The following CSMD3 variants were observed in gnomAD, a reference collection of about 807,000 sequenced individuals.
CSMD3 encodes CUB and sushi domain-containing protein 3.
In CSMD3, 177 loss-of-function variants were observed where a neutral mutation model predicts 435.2. The observed-to-expected ratio is 0.41, with a 90% CI of 0.36 to 0.46. The LOEUF (loss-of-function observed/expected upper bound fraction) is 0.46. CSMD3 is among the 20% of genes least tolerant of loss of function. The pLI is 0.34. For synonymous variants in CSMD3, 1,656 were observed against 1,520.5 expected (o/e 1.09, Z -2.07); for missense variants, 4,265 against 4,504.6 (o/e 0.95, Z 1.52).
chr8:113,064,654 C>T (rs988528335), intron 5 of CSMD3, among the ~76,000 whole-genome samples: 15 of 152,144 alleles, frequency 9.9e-5, no homozygotes, highest in Admixed American at 9.2e-4. Flanking sequence ...CTATAGCCAA[C>T]AGGTAGCTTG....
At chr8:112,614,446 C>T (rs985040708) in intron 22 of CSMD3, among the ~76,000 whole-genome samples, 6 of 151,952 alleles carry the variant, frequency 3.9e-5, no homozygotes, top group African/African-American at 1.4e-4. Flanking sequence ...CCCACAGAAC[C>T]CCACCCGGTA....
chr8:112,600,698 T>C (rs1052621762), intron 22 of CSMD3, among the ~76,000 whole-genome samples: 1 of 152,132 alleles, frequency 6.6e-6, no homozygotes, highest in Non-Finnish European at 1.5e-5. Context: ...TCTTTTCTTT[T>C]TTTTTGAGAC....
chr8:112,335,154 A>T (rs1392387115), intron 45 of CSMD3, among the ~76,000 whole-genome samples, 175 bp downstream of exon 45: 20 of 152,206 alleles, frequency 1.3e-4, no homozygotes, highest in Admixed American at 1.3e-3. Context: ...CTGAATACTT[A>T]GAAGAGGTCA....
intron 1 of CSMD3, among the ~76,000 whole-genome samples, chr8:113,329,024 G>A (rs948468737): frequency 1.1e-4 from 17 of 151,288 alleles, no homozygotes; most frequent in South Asian, 4.2e-4. Flanking sequence ...TTACAGCTGC[G>A]AGCCACCACT....
intron 7 of CSMD3, among the ~76,000 whole-genome samples, chr8:112,968,189 T>C (rs983662514): frequency 2.0e-5 from 3 of 151,964 alleles, no homozygotes; most frequent in Non-Finnish European, 4.4e-5. Flanking sequence ...GCCACTTCTA[T>C]GTTTGTTTTT....
intron 2 of CSMD3, among the ~76,000 whole-genome samples, chr8:113,284,489 A>G (rs549410104): frequency 1.3e-5 from 2 of 152,208 alleles, no homozygotes; most frequent in Non-Finnish European, 2.9e-5. Flanking sequence ...AGAGAAAGTA[A>G]GTTTTCCCCA....
chr8:112,906,254 C>T (rs2082258652), intron 10 of CSMD3, among the ~76,000 whole-genome samples: 1 of 151,206 alleles, frequency 6.6e-6, no homozygotes, highest in South Asian at 2.1e-4. Flanking sequence ...TAGATACGTA[C>T]CTCTAACAAT....
intron 10 of CSMD3, among the ~76,000 whole-genome samples, chr8:112,917,402 G>A (rs2082605124): frequency 6.6e-6 from 1 of 151,886 alleles, no homozygotes; most frequent in South Asian, 2.1e-4. Flanking sequence ...ACAAGACCTG[G>A]AGAGGTTGGC....
At chr8:112,856,388 T>C (rs934612758) in intron 11 of CSMD3, among the ~76,000 whole-genome samples, 1 of 151,902 alleles carries the variant, frequency 6.6e-6, no homozygotes, top group Non-Finnish European at 1.5e-5. Flanking sequence ...TTCAACCATA[T>C]AATGAAATAT....
At chr8:112,340,121 T>C (rs1824954975) in intron 42 of CSMD3, among the ~76,000 whole-genome samples, 1 of 152,222 alleles carries the variant, frequency 6.6e-6, no homozygotes, top group South Asian at 2.1e-4. Context: ...GTTTAGTCTG[T>C]TTTAAGGTGC....
At chr8:113,215,740 T>C (rs1422866663) in intron 3 of CSMD3, among the ~76,000 whole-genome samples, 7 of 151,912 alleles carry the variant, frequency 4.6e-5, no homozygotes, top group Admixed American at 4.6e-4. Context: ...TTCTCTTCTG[T>C]ATTACACATT....
chr8:113,376,910 T>G, intron 1 of CSMD3: 1 of 1,577,128 alleles, frequency 6.3e-7, no homozygotes, highest in Non-Finnish European at 8.6e-7. Flanking sequence ...AAAACAGCCG[T>G]GGTTGTGGGG....
chr8:112,399,265 A>ATT (rs111906592), intron 35 of CSMD3, among the ~76,000 whole-genome samples: 108 of 145,376 alleles, frequency 7.4e-4, no homozygotes, highest in East Asian at 1.9e-3. Flanking sequence ...TTGATTCCAA[A>ATT]TTTTTTTTTT....
At chr8:113,302,604 T>G (rs892580477) in intron 2 of CSMD3, among the ~76,000 whole-genome samples, 2 of 151,948 alleles carry the variant, frequency 1.3e-5, no homozygotes, top group Admixed American at 6.6e-5. Flanking sequence ...TTAATATGCT[T>G]TCTGTAAGAT....
chr8:113,391,348 C>T (rs865924047), intron 1 of CSMD3, among the ~76,000 whole-genome samples: 1 of 152,034 alleles, frequency 6.6e-6, no homozygotes, highest in Middle Eastern at 3.4e-3. Context: ...ATTAGAAAAG[C>T]AAATCAAATA....
chr8:112,410,726 A>G (rs942095121), intron 32 of CSMD3, among the ~76,000 whole-genome samples: 14 of 142,630 alleles, frequency 9.8e-5, no homozygotes, highest in African/African-American at 3.6e-4. Context: ...GTATATATAT[A>G]GGAAAGGTTT....
chr8:112,978,649 A>G (rs1262324045), intron 6 of CSMD3, among the ~76,000 whole-genome samples: 1 of 152,152 alleles, frequency 6.6e-6, no homozygotes, highest in African/African-American at 2.4e-5. Flanking sequence ...GAAATAAAGC[A>G]TTAAACCCCA....
chr8:112,541,563 A>G (rs1826665496), intron 27 of CSMD3, among the ~76,000 whole-genome samples: 1 of 151,948 alleles, frequency 6.6e-6, no homozygotes, highest in African/African-American at 2.4e-5. Context: ...GAGAAATAGA[A>G]AGCCTGAACA....
chr8:113,074,323 A>G (rs2089254267), intron 5 of CSMD3, among the ~76,000 whole-genome samples: 1 of 151,808 alleles, frequency 6.6e-6, no homozygotes, highest in African/African-American at 2.4e-5. Flanking sequence ...TGTAATTATA[A>G]TTGTCTTTCT....
Sources: allele counts gnomAD v4.1 joint callset (sites outside exome capture counted in the v4.1 genomes callset), GRCh38; gene constraint gnomAD v4.1.1; transcripts MANE v1.5; gene names NCBI Gene and HGNC (gene_info 2026-07-23, HGNC 2026-07-21).